The following ADCY8 variants were observed in gnomAD, a reference collection of about 807,000 sequenced individuals.
The protein encoded by ADCY8 is adenylate cyclase 8.
ADCY8 carries 51 observed loss-of-function variants against 119.7 expected under a neutral mutation model. The ratio of observed to expected loss-of-function variants is 0.43; its 90% CI spans 0.34 to 0.54. The LOEUF (loss-of-function observed/expected upper bound fraction) is 0.54, where lower values mean the gene tolerates loss of function less well. ADCY8 is among the 20% of genes least tolerant of loss of function. ADCY8 has a pLI of 0.03. For synonymous variants in ADCY8, 665 were observed against 651.0 expected (o/e 1.02, Z -0.33); for missense variants, 1,383 against 1,598.8 (o/e 0.87, Z 2.30).
At chr8:130,994,762 A>G (rs1419216117) in intron 1 of ADCY8, among the ~76,000 whole-genome samples, 1 of 152,182 alleles carries the variant, frequency 6.6e-6, no homozygotes. Flanking sequence ...TGATGCATAC[A>G]TTGATAGTTC....
chr8:130,923,239 GAGA>G (rs1820368338), intron 5 of ADCY8, among the ~76,000 whole-genome samples: 3 of 151,742 alleles, frequency 2.0e-5, no homozygotes, highest in Admixed American at 6.6e-5. Context: ...AGAAAAGAGG[GAGA>G]AGAAGTGACG....
At chr8:130,983,190 G>A (rs1055001886) in intron 2 of ADCY8, among the ~76,000 whole-genome samples, 1 of 152,232 alleles carries the variant, frequency 6.6e-6, no homozygotes, top group Non-Finnish European at 1.5e-5. Context: ...AGGAAGGGCA[G>A]GCAGCTACAA....
At chr8:130,865,835 GA>G (rs1818098964) in intron 9 of ADCY8, among the ~76,000 whole-genome samples, 1 of 152,068 alleles carries the variant, frequency 6.6e-6, no homozygotes, top group African/African-American at 2.4e-5. Context: ...TCATGAGAGG[GA>G]GATTAGATGA....
intron 1 of ADCY8, among the ~76,000 whole-genome samples, chr8:131,028,447 T>A (rs1430446213): frequency 6.6e-6 from 1 of 152,050 alleles, no homozygotes; most frequent in African/African-American, 2.4e-5. Flanking sequence ...CCGCCTCCAA[T>A]AGGCTGGGAA....
At chr8:130,797,424 T>G (rs77765602) in intron 15 of ADCY8, among the ~76,000 whole-genome samples, 1 of 152,200 alleles carries the variant, frequency 6.6e-6, no homozygotes, top group African/African-American at 2.4e-5. Flanking sequence ...ATTAAAAAAA[T>G]TGGAAGTATG....
At chr8:130,802,857 G>C (rs1407038868) in intron 14 of ADCY8, among the ~76,000 whole-genome samples, 10 of 152,220 alleles carry the variant, frequency 6.6e-5, no homozygotes, top group Admixed American at 6.5e-4. Context: ...AGCAGCACTT[G>C]ACCAATGCCA....
At chr8:130,968,181 T>TA (rs963516128) in intron 2 of ADCY8, among the ~76,000 whole-genome samples, 14 of 151,980 alleles carry the variant, frequency 9.2e-5, no homozygotes, top group African/African-American at 3.4e-4. Context: ...CTGCTTTTTT[T>TA]TTTTTTTGAG....
chr8:130,883,058 G>T (rs1042053836), intron 8 of ADCY8, among the ~76,000 whole-genome samples: 1 of 152,186 alleles, frequency 6.6e-6, no homozygotes, highest in African/African-American at 2.4e-5. Flanking sequence ...CCTGGTCACA[G>T]AAATCAACCT....
chr8:130,884,884 A>T, intron 7 of ADCY8, 123 bp from the exon 8 acceptor site: 1 of 989,740 alleles, frequency 1.0e-6, no homozygotes, highest in Non-Finnish European at 1.6e-6. Context: ...AGTTGTATTC[A>T]GTGAAACCTA....
intron 8 of ADCY8, among the ~76,000 whole-genome samples, chr8:130,871,997 T>TA (rs1404288533): frequency 6.6e-6 from 1 of 152,062 alleles, no homozygotes; most frequent in Non-Finnish European, 1.5e-5. Flanking sequence ...TAGATATATA[T>TA]TTTTTTCAGA....
At chr8:130,904,064 C>A (rs775484190) in intron 6 of ADCY8, 22 bp from the exon 7 acceptor site, 4 of 1,599,750 alleles carry the variant, frequency 2.5e-6, no homozygotes, top group Non-Finnish European at 3.4e-6. Context: ...AGGCATAGGT[C>A]ATTACACACT....
At chr8:130,804,478 G>T (rs1396083733) in intron 14 of ADCY8, among the ~76,000 whole-genome samples, 1 of 152,094 alleles carries the variant, frequency 6.6e-6, no homozygotes, top group Non-Finnish European at 1.5e-5. Context: ...GAGATCCTTG[G>T]GGTTAGGACT....
intron 12 of ADCY8, among the ~76,000 whole-genome samples, chr8:130,829,210 G>A (rs1816755395): frequency 6.6e-6 from 1 of 152,184 alleles, no homozygotes; most frequent in South Asian, 2.1e-4. Context: ...GATCCATCAA[G>A]GGCAGGGTTT....
chr8:130,854,253 G>C (rs1260161501), intron 9 of ADCY8, among the ~76,000 whole-genome samples: 2 of 152,358 alleles, frequency 1.3e-5, no homozygotes, highest in South Asian at 2.1e-4. Flanking sequence ...GTGCACATAA[G>C]AGGCAAGGAA....
chr8:130,844,944 G>A (rs1300052622), intron 11 of ADCY8, among the ~76,000 whole-genome samples: 6 of 152,174 alleles, frequency 3.9e-5, no homozygotes, highest in Non-Finnish European at 5.9e-5. Context: ...GGTGTTTGAC[G>A]ATAACATACA....
At chr8:131,010,599 G>A (rs1445428736) in intron 1 of ADCY8, among the ~76,000 whole-genome samples, 5 of 152,168 alleles carry the variant, frequency 3.3e-5, no homozygotes, top group African/African-American at 1.2e-4. Flanking sequence ...GAAGCAAAAG[G>A]GAGAGGAAAG....
At chr8:130,946,021 A>C (rs546781755) in intron 3 of ADCY8, among the ~76,000 whole-genome samples, 7 of 152,196 alleles carry the variant, frequency 4.6e-5, no homozygotes, top group Non-Finnish European at 8.8e-5. Flanking sequence ...CTATTTTTGA[A>C]GAAAGAAAAG....
At chr8:130,813,663 T>A (rs906102038) in intron 14 of ADCY8, among the ~76,000 whole-genome samples, 2 of 152,218 alleles carry the variant, frequency 1.3e-5, no homozygotes, top group African/African-American at 4.8e-5. Flanking sequence ...TGCTTCAACT[T>A]TTTGACTATT....
chr8:130,863,261 A>G (rs962443145), intron 9 of ADCY8, among the ~76,000 whole-genome samples: 1 of 151,694 alleles, frequency 6.6e-6, no homozygotes, highest in African/African-American at 2.4e-5. Flanking sequence ...TTCTGAGTCT[A>G]TTTGGTGTGA....
Sources: allele counts gnomAD v4.1 joint callset (sites outside exome capture counted in the v4.1 genomes callset), GRCh38; gene constraint gnomAD v4.1.1; transcripts MANE v1.5; gene names NCBI Gene and HGNC (gene_info 2026-07-23, HGNC 2026-07-21).